UHRF2: variants seen among roughly 807,000 people sequenced by gnomAD.
The protein encoded by UHRF2 is E3 ubiquitin-protein ligase UHRF2.
Under a neutral mutation model 96.8 loss-of-function variants are expected in UHRF2, and 23 were observed. The observed-to-expected ratio is 0.24, with a 90% CI of 0.17 to 0.34. The LOEUF (loss-of-function observed/expected upper bound fraction) is 0.34, where lower values mean the gene tolerates loss of function less well. UHRF2 is among the 10% of genes least tolerant of loss of function. The pLI is 1.00. For missense variants in UHRF2, 685 were observed against 981.5 expected, an observed-to-expected ratio of 0.70 and a Z score of 4.04; for synonymous variants, 385 against 332.6, an observed-to-expected ratio of 1.16 and a Z score of -1.72.
chr9:6,442,376 C>T (rs193010271), intron 3 of UHRF2, among the ~76,000 whole-genome samples: 1 of 152,336 alleles, frequency 6.6e-6, no homozygotes, highest in Non-Finnish European at 1.5e-5. Context: ...TGAAGCAGCT[C>T]AGTCTCTGGT....
chr9:6,480,773 G>A (rs1823880001), intron 6 of UHRF2, among the ~76,000 whole-genome samples: 1 of 152,140 alleles, frequency 6.6e-6, no homozygotes, highest in Admixed American at 6.5e-5. Flanking sequence ...ATAGTATTTA[G>A]TGCCTTCTCA....
chr9:6,485,960 C>T (rs920268212), intron 8 of UHRF2, among the ~76,000 whole-genome samples: 1 of 152,052 alleles, frequency 6.6e-6, no homozygotes, highest in African/African-American at 2.4e-5. Flanking sequence ...AGCCGTCATC[C>T]ATTGAAGTAG....
At chr9:6,423,651 A>G (rs1429020202) in intron 2 of UHRF2, among the ~76,000 whole-genome samples, 2 of 126,118 alleles carry the variant, frequency 1.6e-5, no homozygotes, top group Non-Finnish European at 3.3e-5. Context: ...TTTTTTTTTT[A>G]AAGAAAAGTC....
chr9:6,481,574 G>C, intron 6 of UHRF2, 69 bp from the exon 7 acceptor site: 2 of 1,558,404 alleles, frequency 1.3e-6, no homozygotes, highest in African/African-American at 1.4e-5. Context: ...ACCTAGGAAG[G>C]CTAATATTCT....
intron 3 of UHRF2, among the ~76,000 whole-genome samples, chr9:6,439,524 CT>C (rs1377261649): frequency 6.6e-6 from 1 of 152,184 alleles, no homozygotes; most frequent in Non-Finnish European, 1.5e-5. Flanking sequence ...TGGTTCACAC[CT>C]TTATGCAGAT....
chr9:6,436,768 C>CT (rs35934099), intron 3 of UHRF2, among the ~76,000 whole-genome samples: 1 of 152,100 alleles, frequency 6.6e-6, no homozygotes, highest in Non-Finnish European at 1.5e-5. Flanking sequence ...TATTTGGCAA[C>CT]TTTTTTTGTC....
intron 3 of UHRF2, among the ~76,000 whole-genome samples, chr9:6,437,441 C>T (rs939447693): frequency 6.6e-6 from 1 of 152,048 alleles, no homozygotes; most frequent in African/African-American, 2.4e-5. Context: ...CCGTGTTGGT[C>T]AGGCTGGTCT....
intron 2 of UHRF2, among the ~76,000 whole-genome samples, chr9:6,423,939 A>G (rs1359448838): frequency 6.7e-6 from 1 of 149,274 alleles, no homozygotes; most frequent in Non-Finnish European, 1.5e-5. Flanking sequence ...AGTGAGACTC[A>G]GTATCAAAAA....
intron 8 of UHRF2, among the ~76,000 whole-genome samples, chr9:6,486,554 G>A (rs1008818535): frequency 1.3e-5 from 2 of 152,190 alleles, no homozygotes; most frequent in Non-Finnish European, 2.9e-5. Flanking sequence ...GTGCAACTCA[G>A]AATTCTACGC....
chr9:6,436,305 C>G (rs1471712009), intron 3 of UHRF2, among the ~76,000 whole-genome samples: 1 of 152,132 alleles, frequency 6.6e-6, no homozygotes, highest in Non-Finnish European at 1.5e-5. Flanking sequence ...ACACTGCTTA[C>G]TTGACATGAT....
Position 6,481,988 on chromosome 9 carries a change from G to T in UHRF2, c.1285-4G>T. 6.2e-7 allele frequency: 1 copy of T among 1,612,246 alleles called. No homozygotes were observed. The highest frequency in any genetic ancestry group is 8.5e-7 in the Non-Finnish European group (1 of 1,179,406). On this transcript the variant is annotated splice_polypyrimidine_tract_variant and splice_region_variant and intron_variant, in intron 7 of 15. Transcript: ENST00000276893. ...TTTCTCAACGTTTGTTTTGCGTCTT[G>T]TAGGGAATGGCTTGTGTTGGTCGTA...
chr9:6,421,511 G>C (rs967190087), intron 2 of UHRF2, among the ~76,000 whole-genome samples: 3 of 152,116 alleles, frequency 2.0e-5, no homozygotes, highest in Non-Finnish European at 4.4e-5. Flanking sequence ...CTGCCTCCCA[G>C]GTTCAAGCAA....
intron 2 of UHRF2, among the ~76,000 whole-genome samples, chr9:6,432,790 G>A (rs56218473): frequency 0.24 from 36,662 of 151,830 alleles, 6,329 homozygotes; most frequent in African/African-American, 0.49. Flanking sequence ...GGCTTAAAAA[G>A]AAAGTTGAAG....
At chr9:6,504,049 C>G (rs7848831) in intron 14 of UHRF2, among the ~76,000 whole-genome samples, 39,256 of 129,230 alleles carry the variant, frequency 0.3, 7,771 homozygotes, top group African/African-American at 0.58. Context: ...TTTTTAAGAC[C>G]GAGTCTCGCT....
At chr9:6,493,194 A>C (rs1035522985) in intron 9 of UHRF2, among the ~76,000 whole-genome samples, 5 of 152,088 alleles carry the variant, frequency 3.3e-5, no homozygotes, top group Admixed American at 1.3e-4. Flanking sequence ...GCTGCTTGGG[A>C]GGCTGAGGCA....
intron 2 of UHRF2, among the ~76,000 whole-genome samples, chr9:6,430,739 G>T (rs960240191): frequency 2.0e-5 from 3 of 152,028 alleles, no homozygotes; most frequent in African/African-American, 7.3e-5. Flanking sequence ...TGTTTCCCCT[G>T]CCTTGCCTTT....
At chr9:6,441,868 T>C (rs1821184696) in intron 3 of UHRF2, among the ~76,000 whole-genome samples, 1 of 152,184 alleles carries the variant, frequency 6.6e-6, no homozygotes, top group Admixed American at 6.5e-5. Flanking sequence ...CTATACAGTC[T>C]TTACCCATAT....
intron 4 of UHRF2, among the ~76,000 whole-genome samples, 166 bp downstream of exon 4, chr9:6,460,957 G>A (rs1263598182): frequency 1.3e-4 from 20 of 152,194 alleles, no homozygotes; most frequent in Admixed American, 1.3e-3. Flanking sequence ...ATTTTTAAAA[G>A]TTAAGAATGG....
chr9:6,478,717 G>A (rs1270809425), intron 6 of UHRF2, among the ~76,000 whole-genome samples: 4 of 152,156 alleles, frequency 2.6e-5, no homozygotes, highest in Non-Finnish European at 5.9e-5. Context: ...TCACAAGTGG[G>A]TAATTGGTAT....
Sources: gnomAD v4.1 joint callset for allele counts (sites outside exome capture counted in the v4.1 genomes callset) on GRCh38, gnomAD v4.1.1 for gene constraint, MANE v1.5 for transcripts, NCBI Gene and HGNC (gene_info 2026-07-23, HGNC 2026-07-21) for gene names.